The following PDLIM5 variants were observed in gnomAD, a reference collection of about 807,000 sequenced individuals.
The protein encoded by PDLIM5 is PDZ and LIM domain 5, also known as PDZ and LIM domain protein 5.
Under a neutral mutation model 64.2 loss-of-function variants are expected in PDLIM5, and 34 were observed. That is an observed-to-expected ratio of 0.53 (90% CI 0.40 to 0.71). The LOEUF (loss-of-function observed/expected upper bound fraction) is 0.71, where lower values mean the gene tolerates loss of function less well. Among genes scored for constraint, PDLIM5 ranks in the 30% least tolerant of loss-of-function variants. The pLI is 0.00. For missense variants in PDLIM5, 683 were observed against 733.6 expected (o/e 0.93, Z 0.80); for synonymous variants, 253 against 269.1 (o/e 0.94, Z 0.59).
chr4:94,547,957 G>C (rs899721169), intron 3 of PDLIM5, among the ~76,000 whole-genome samples: 1 of 152,062 alleles, frequency 6.6e-6, no homozygotes, highest in Non-Finnish European at 1.5e-5. Flanking sequence ...GTCCTATTAA[G>C]TAATCTTTTG....
At chr4:94,654,747 C>T in intron 10 of PDLIM5, 107 bp downstream of exon 10, 2 of 710,854 alleles carry the variant, frequency 2.8e-6, no homozygotes, top group Admixed American at 2.5e-5. Context: ...TTGCTTTATG[C>T]CCTCTCTGCT....
intron 7 of PDLIM5, among the ~76,000 whole-genome samples, chr4:94,606,844 TGTTCCAATAAA>T (rs1737967317): frequency 6.6e-6 from 1 of 152,256 alleles, no homozygotes; most frequent in African/African-American, 2.4e-5. Context: ...AACCTGGCTA[TGTTCCAATAAA>T]GTTCCAATAA....
chr4:94,491,074 T>C (rs146834687), intron 2 of PDLIM5, among the ~76,000 whole-genome samples: 4 of 152,266 alleles, frequency 2.6e-5, no homozygotes, highest in African/African-American at 9.6e-5. Flanking sequence ...GTGGACCTTG[T>C]TTGTGTTTAC....
chr4:94,661,841 A>C (rs1219269019), intron 11 of PDLIM5, among the ~76,000 whole-genome samples: 1 of 146,808 alleles, frequency 6.8e-6, no homozygotes, highest in Admixed American at 6.7e-5. Context: ...TTTTTTCTTT[A>C]AGACAGTCTC....
chr4:94,647,521 G>A (rs1055973481), intron 9 of PDLIM5, among the ~76,000 whole-genome samples: 2 of 152,076 alleles, frequency 1.3e-5, no homozygotes, highest in Non-Finnish European at 2.9e-5. Context: ...ATGGAAGGGA[G>A]TAATATATAC....
At chr4:94,487,105 C>T (rs1473866248) in intron 2 of PDLIM5, among the ~76,000 whole-genome samples, 1 of 152,150 alleles carries the variant, frequency 6.6e-6, no homozygotes, top group African/African-American at 2.4e-5. Flanking sequence ...GGGAGATGCC[C>T]TGGGCTGGTT....
At chr4:94,468,060 A>G (rs551888583) in intron 2 of PDLIM5, among the ~76,000 whole-genome samples, 1 of 152,346 alleles carries the variant, frequency 6.6e-6, no homozygotes, top group South Asian at 2.1e-4. Context: ...AGTTTTAATT[A>G]TGAAGTAAGG....
intron 2 of PDLIM5, among the ~76,000 whole-genome samples, chr4:94,508,111 AAG>A (rs1382211941): frequency 1.4e-5 from 2 of 140,354 alleles, no homozygotes; most frequent in African/African-American, 3.1e-5. Context: ...AAAAAAGAAA[AAG>A]AAAAAAAGAG....
At chr4:94,597,135 C>T (rs933374622) in intron 7 of PDLIM5, among the ~76,000 whole-genome samples, 1 of 152,008 alleles carries the variant, frequency 6.6e-6, no homozygotes, top group African/African-American at 2.4e-5. Flanking sequence ...ATTCTTTATC[C>T]TGATATGCTA....
In PDLIM5 at chr4:94,574,333, A is replaced by G. The variant is rs1379995182; in HGVS notation, c.291+940A>G. Among the ~76,000 whole-genome samples the G allele has an allele frequency of 2.0e-5, 3 of 152,154 alleles. No individual in the cohort carries two copies. In the East Asian group the frequency reaches 5.8e-4, roughly 29 times the overall value. ...GCCAACATGGTGATACTTCATCTCT[A>G]TTGAAAATACAAAAATTAGCTGGGC... On this transcript the variant is annotated intron_variant, in intron 4 of 12. Transcript: ENST00000317968.
At chr4:94,628,318 A>C (rs530687197) in intron 8 of PDLIM5, among the ~76,000 whole-genome samples, 14 of 152,328 alleles carry the variant, frequency 9.2e-5, no homozygotes, top group African/African-American at 3.4e-4. Flanking sequence ...TGCTTTTAAA[A>C]GATGCTAAAT....
At chr4:94,490,476 A>G (rs951094396) in intron 2 of PDLIM5, among the ~76,000 whole-genome samples, 21 of 152,162 alleles carry the variant, frequency 1.4e-4, no homozygotes, top group African/African-American at 4.8e-5. Context: ...TACTGATTAT[A>G]TCCTTCCATA....
intron 3 of PDLIM5, among the ~76,000 whole-genome samples, chr4:94,549,022 C>T (rs570057934): frequency 1.6e-4 from 25 of 151,942 alleles, no homozygotes; most frequent in Non-Finnish European, 2.9e-4. Context: ...AGGATCTACA[C>T]GAGGTTGTTA....
rs140580844 is a variant in PDLIM5, at chr4:94,654,360, A to C, written c.1284-100A>C. ...AGTCCTTAAGAAGGAAAATTGAGCA[A>C]GTATTTAATTGGTTGGACATTGCAT... On this transcript the variant is annotated intron_variant, in intron 9 of 12. Coordinates refer to ENST00000317968, the MANE Select transcript of PDLIM5 (RefSeq NM_006457.5). 1.8e-3 allele frequency: 1,356 copies of C among 755,756 alleles called. 5 individuals carry two copies. The highest frequency in any genetic ancestry group is 2.1e-3 in the Non-Finnish European group (933 of 437,052). 46.8% of individuals were successfully genotyped at this position (755,756 alleles called of 1,614,324 possible).
intron 3 of PDLIM5, among the ~76,000 whole-genome samples, chr4:94,545,435 CG>C (rs1732226194): frequency 6.6e-6 from 1 of 151,788 alleles, no homozygotes; most frequent in Admixed American, 6.6e-5. Flanking sequence ...TATGTTTTTC[CG>C]GGGGAAAAAA....
At chr4:94,573,704 A>G in intron 4 of PDLIM5, 1 of 315,852 alleles carries the variant, frequency 3.2e-6, no homozygotes, top group South Asian at 5.7e-5. Context: ...TAAAGAGAAT[A>G]AATAAGTGGT....
intron 8 of PDLIM5, among the ~76,000 whole-genome samples, chr4:94,622,363 A>T (rs975313644): frequency 6.6e-6 from 1 of 152,254 alleles, no homozygotes; most frequent in African/African-American, 2.4e-5. Flanking sequence ...TTACAAATGT[A>T]ATGAAATGTT....
Position 94,650,175 on chromosome 4 carries a change from T to C in PDLIM5, c.1284-4285T>C, listed in dbSNP as rs149012076. On this transcript the variant is annotated intron_variant, in intron 9 of 12. Transcript: ENST00000317968. Reference sequence around the variant, plus strand: ...TTGAGTATTCTAAGACGATAGTCACTGTGTTTCTCTTTTACTCTCTTCCTG... The same window carrying C: ...TTGAGTATTCTAAGACGATAGTCACCGTGTTTCTCTTTTACTCTCTTCCTG... Among the ~76,000 whole-genome samples, 6 of 152,310 alleles carry C rather than the reference T, an allele frequency of 3.9e-5. No individual in the cohort carries two copies. The East Asian group carries it at 9.7e-4, about 25-fold the overall frequency.
intron 7 of PDLIM5, among the ~76,000 whole-genome samples, chr4:94,597,543 TA>T (rs1487212370): frequency 1.3e-5 from 2 of 151,980 alleles, no homozygotes; most frequent in Non-Finnish European, 2.9e-5. Flanking sequence ...AGACAGCAAA[TA>T]AAAATAACCA....
Sources: gnomAD v4.1 joint callset for allele counts (sites outside exome capture counted in the v4.1 genomes callset) on GRCh38, gnomAD v4.1.1 for gene constraint, MANE v1.5 for transcripts, NCBI Gene and HGNC (gene_info 2026-07-23, HGNC 2026-07-21) for gene names.